The following TENM3 variants were observed in gnomAD, a reference collection of about 807,000 sequenced individuals.
TENM3 encodes the protein teneurin-3.
A neutral mutation model predicts 255.1 loss-of-function variants in TENM3; 63 were observed. The observed-to-expected ratio is 0.25, with a 90% CI of 0.20 to 0.30. The LOEUF (loss-of-function observed/expected upper bound fraction) is 0.30. Among genes scored for constraint, TENM3 ranks in the 10% least tolerant of loss-of-function variants. The probability of loss-of-function intolerance (pLI) is 1.00; values close to 1 mark genes in which losing one functional copy is unlikely to be tolerated. For synonymous variants in TENM3, 1,306 were observed against 1,322.3 expected (o/e 0.99, Z 0.27); for missense variants, 2,929 against 3,461.1 (o/e 0.85, Z 3.86).
chr4:181,859,461 T>C, the TENM3 span, among the ~76,000 whole-genome samples: 1 of 152,118 alleles, frequency 6.6e-6, no homozygotes, highest in African/African-American at 2.4e-5. Flanking sequence ...AAGTAGGAAA[T>C]TATGAAAACA....
chr4:182,157,529 G>A (rs1750796011), intron 1 of TENM3, among the ~76,000 whole-genome samples: 1 of 152,208 alleles, frequency 6.6e-6, no homozygotes, highest in African/African-American at 2.4e-5. Flanking sequence ...CTACATCAAT[G>A]TCAAGTGTCC....
At chr4:181,764,079 G>A in the TENM3 span, among the ~76,000 whole-genome samples, 5 of 152,070 alleles carry the variant, frequency 3.3e-5, no homozygotes, top group Admixed American at 1.3e-4. Flanking sequence ...AACTTGACTC[G>A]GGGCTATATT....
the TENM3 span, among the ~76,000 whole-genome samples, chr4:181,964,067 A>ATTT: frequency 2.1e-3 from 286 of 138,954 alleles, 4 homozygotes; most frequent in African/African-American, 6.9e-3. Context: ...TGACCTTCCG[A>ATTT]TTTTTTTTTT....
chr4:182,466,087 A>G (rs1194499380), intron 3 of TENM3, among the ~76,000 whole-genome samples: 1 of 152,216 alleles, frequency 6.6e-6, no homozygotes, highest in Non-Finnish European at 1.5e-5. Context: ...CAAAGAATAC[A>G]TGAAGACAAA....
chr4:182,187,058 ATTC>A (rs1023410237), intron 1 of TENM3, among the ~76,000 whole-genome samples: 2 of 151,596 alleles, frequency 1.3e-5, no homozygotes, highest in Non-Finnish European at 2.9e-5. Flanking sequence ...TTTCTTCCCT[ATTC>A]TTTAAAAAGA....
At chr4:182,338,249 A>G (rs1483206975) in intron 2 of TENM3, among the ~76,000 whole-genome samples, 3 of 152,220 alleles carry the variant, frequency 2.0e-5, no homozygotes, top group East Asian at 1.9e-4. Context: ...CACTGTCTCT[A>G]CTGAACCATA....
the TENM3 span, among the ~76,000 whole-genome samples, chr4:182,021,821 C>G: frequency 6.6e-6 from 1 of 152,012 alleles, no homozygotes; most frequent in Non-Finnish European, 1.5e-5. Context: ...TCAATATTTA[C>G]TTATTGAAAA....
At chr4:181,568,803 G>A in the TENM3 span, among the ~76,000 whole-genome samples, 5 of 152,134 alleles carry the variant, frequency 3.3e-5, no homozygotes, top group Middle Eastern at 3.2e-3. Flanking sequence ...CCACTCCCAA[G>A]AGCAGGCTCG....
the TENM3 span, among the ~76,000 whole-genome samples, chr4:181,899,799 C>T: frequency 6.6e-6 from 1 of 152,086 alleles, no homozygotes; most frequent in African/African-American, 2.4e-5. Context: ...ATCTCTTGAC[C>T]TTGTGATCCT....
chr4:182,337,149 A>G (rs1305946036), intron 2 of TENM3, among the ~76,000 whole-genome samples: 2 of 152,232 alleles, frequency 1.3e-5, no homozygotes, highest in East Asian at 1.9e-4. Flanking sequence ...ATAGACAAAG[A>G]TATCTTAGAA....
chr4:182,206,522 C>A (rs967887559), intron 1 of TENM3, among the ~76,000 whole-genome samples: 1 of 152,178 alleles, frequency 6.6e-6, no homozygotes, highest in African/African-American at 2.4e-5. Flanking sequence ...GCTTACCTAA[C>A]CCCTATGATT....
Position 182,628,645 on chromosome 4 carries a change from C to T in TENM3, c.750-6C>T. 6 of 1,538,830 alleles carry T rather than the reference C, an allele frequency of 3.9e-6. No individual in the cohort carries two copies. The highest frequency in any genetic ancestry group is 5.3e-6 in the Non-Finnish European group (6 of 1,128,122). The stretch of plus-strand genomic sequence containing the variant: ...TATCTTATAATGATATTCTCCTTTT[C>T]CACAGGCATTTCCTATTCAAAACAG... On this transcript the variant is annotated splice_region_variant and splice_polypyrimidine_tract_variant and intron_variant, in intron 4 of 27. Coordinates refer to ENST00000511685, the MANE Select transcript of TENM3 (RefSeq NM_001080477.4).
intron 1 of TENM3, among the ~76,000 whole-genome samples, chr4:182,278,236 G>A (rs113560257): frequency 0.018 from 2,748 of 152,102 alleles, 84 homozygotes; most frequent in African/African-American, 0.063. Flanking sequence ...GTGTGGTGGC[G>A]CATGCCTGTA....
intron 4 of TENM3, among the ~76,000 whole-genome samples, chr4:182,604,761 T>G (rs1748246290): frequency 6.6e-6 from 1 of 152,252 alleles, no homozygotes; most frequent in East Asian, 1.9e-4. Flanking sequence ...TGTTTTATTA[T>G]GAAGCCTACT....
chr4:182,183,834 T>G (rs2149751751), intron 1 of TENM3, among the ~76,000 whole-genome samples: 1 of 152,330 alleles, frequency 6.6e-6, no homozygotes, highest in South Asian at 2.1e-4. Context: ...TTACTTGGTC[T>G]TTTACATTCT....
the TENM3 span, among the ~76,000 whole-genome samples, chr4:181,849,949 T>TCTCACACACACACACACACACA: frequency 5.0e-4 from 33 of 65,960 alleles, no homozygotes; most frequent in East Asian, 2.9e-3. Flanking sequence ...TCTCTCTCTC[T>TCTCACACACACACACACACACA]CACACACACA....
chr4:182,682,373 C>T (rs1045399057), intron 11 of TENM3, among the ~76,000 whole-genome samples: 3 of 151,972 alleles, frequency 2.0e-5, no homozygotes, highest in Non-Finnish European at 4.4e-5. Context: ...ACAGGGAAGG[C>T]TCAATTTAAA....
chr4:181,857,486 G>A, the TENM3 span, among the ~76,000 whole-genome samples: 10 of 143,952 alleles, frequency 6.9e-5, no homozygotes, highest in Non-Finnish European at 9.0e-5. Context: ...AGCCTGAGGC[G>A]GGAGAATCAC....
chr4:182,176,823 T>A (rs963204903), intron 1 of TENM3, among the ~76,000 whole-genome samples: 1,256 of 29,982 alleles, frequency 0.042, 59 homozygotes, highest in African/African-American at 0.18. Flanking sequence ...TCCGGCTAAT[T>A]TTTTTTTTTT....
Sources: gnomAD v4.1 joint callset for allele counts (sites outside exome capture counted in the v4.1 genomes callset) on GRCh38, gnomAD v4.1.1 for gene constraint, MANE v1.5 for transcripts, NCBI Gene and HGNC (gene_info 2026-07-23, HGNC 2026-07-21) for gene names.